The following STXBP6 variants were observed in gnomAD, a reference collection of about 807,000 sequenced individuals.
STXBP6 encodes the protein syntaxin binding protein 6.
Under a neutral mutation model 26.9 loss-of-function variants are expected in STXBP6, and 21 were observed. The ratio of observed to expected loss-of-function variants is 0.78; its 90% CI spans 0.55 to 1.12. The LOEUF is 1.12. Among genes scored for constraint, STXBP6 ranks in the 50% most tolerant of loss-of-function variants. STXBP6 has a pLI of 0.00. For synonymous variants in STXBP6, 97 were observed against 92.6 expected (o/e 1.05, Z -0.27); for missense variants, 232 against 257.9 (o/e 0.90, Z 0.69).
intron 2 of STXBP6, among the ~76,000 whole-genome samples, chr14:24,874,480 A>C (rs1219839012): frequency 1.3e-5 from 2 of 152,014 alleles, no homozygotes; most frequent in Non-Finnish European, 2.9e-5. Context: ...GGTCCATCCC[A>C]CCCATGCCGT....
At chr14:24,849,301 G>C (rs1462857281) in intron 4 of STXBP6, among the ~76,000 whole-genome samples, 1 of 152,086 alleles carries the variant, frequency 6.6e-6, no homozygotes, top group African/African-American at 2.4e-5. Flanking sequence ...GAGTGGCTAA[G>C]TCTGTGTGTG....
At position 24,857,039 on chromosome 14, in the gene STXBP6, G is replaced by A. The variant is rs530458077; in HGVS notation, c.273C>T (p.Ile91=). The change falls in exon 3 of 6, where the codon ATC becomes ATT. Residue 91 remains isoleucine, a synonymous_variant. Transcript: ENST00000323944. ...ACAATTCACTCACCCCATTAGGATC[G>A]ATACCATTAACCTGGCGAAGCTGCT... ...MLEQLRQVNG[I]DPNGDSAEFD... 16 of 1,612,776 alleles carry A rather than the reference G, an allele frequency of 9.9e-6. No homozygotes were observed. The highest frequency in any genetic ancestry group is 3.3e-5 in the South Asian group (3 of 91,038).
intron 2 of STXBP6, among the ~76,000 whole-genome samples, chr14:24,943,472 G>A (rs2072874982): frequency 6.6e-6 from 1 of 152,154 alleles, no homozygotes; most frequent in African/African-American, 2.4e-5. Context: ...CCTAACTGAT[G>A]ATTCATTCTA....
At chr14:24,838,620 G>T (rs2068694892) in intron 4 of STXBP6, among the ~76,000 whole-genome samples, 1 of 151,968 alleles carries the variant, frequency 6.6e-6, no homozygotes, top group African/African-American at 2.4e-5. Context: ...GGAGATGGAG[G>T]TTGCAGTGAG....
At position 25,024,606 on chromosome 14, in the gene STXBP6, C is replaced by T. The variant is rs144368379; in HGVS notation, c.-33+25272G>A. 1.1e-4 allele frequency among the ~76,000 whole-genome samples: 17 copies of T among 152,216 alleles called. No homozygotes were observed. The East Asian group carries it at 3.3e-3, about 29-fold the overall frequency. On this transcript the variant is annotated intron_variant, in intron 1 of 5. Transcript: ENST00000323944. ...AAGGACAATCAACAACAAATCATTT[C>T]AATAAATGCTTTTAAATTGACATGG... is the stretch of plus-strand genomic sequence containing the variant.
Position 24,819,786 on chromosome 14 carries a change from T to C in STXBP6, c.452-592A>G, listed in dbSNP as rs533961323. Among the ~76,000 whole-genome samples, 8 of 152,216 alleles carry C rather than the reference T, an allele frequency of 5.3e-5. No homozygotes were observed. The East Asian group carries it at 1.5e-3, about 29-fold the overall frequency. On this transcript the variant is annotated intron_variant, in intron 4 of 5. Coordinates refer to ENST00000323944, the MANE Select transcript of STXBP6 (RefSeq NM_001394410.1). ...TATGATCCAGTCTCAAAGCTCAGAG[T>C]AGATGTGTCTGCTCCCAACCTTGGA...
intron 2 of STXBP6, among the ~76,000 whole-genome samples, chr14:24,912,663 G>GT (rs1255438066): frequency 2.6e-5 from 4 of 152,162 alleles, no homozygotes; most frequent in African/African-American, 9.7e-5. Flanking sequence ...GTGAGTAAAT[G>GT]TGAGTACACT....
At chr14:24,957,813 T>C (rs2073391439) in intron 2 of STXBP6, among the ~76,000 whole-genome samples, 1 of 152,214 alleles carries the variant, frequency 6.6e-6, no homozygotes, top group African/African-American at 2.4e-5. Context: ...AGAAACAGGA[T>C]TCAAGTCCAT....
intron 2 of STXBP6, among the ~76,000 whole-genome samples, chr14:24,876,190 G>A (rs1480276558): frequency 2.0e-5 from 3 of 152,094 alleles, no homozygotes; most frequent in Non-Finnish European, 2.9e-5. Flanking sequence ...CCTACTAACC[G>A]GGAAGGCCTG....
intron 1 of STXBP6, among the ~76,000 whole-genome samples, chr14:24,999,745 T>C (rs781434674): frequency 4.6e-5 from 7 of 152,016 alleles, no homozygotes; most frequent in Non-Finnish European, 1.0e-4. Flanking sequence ...TTGCAATATA[T>C]AGACAGTCTC....
chr14:24,990,717 G>A (rs1159327652), intron 1 of STXBP6, among the ~76,000 whole-genome samples: 1 of 147,320 alleles, frequency 6.8e-6, no homozygotes, highest in South Asian at 2.1e-4. Flanking sequence ...AGAAAACAGA[G>A]CAATTAGTAG....
chr14:24,963,209 A>C (rs1485487376), intron 2 of STXBP6, among the ~76,000 whole-genome samples: 1 of 152,216 alleles, frequency 6.6e-6, no homozygotes, highest in Non-Finnish European at 1.5e-5. Flanking sequence ...TGACCTGTCC[A>C]CAAGATAGAA....
At chr14:24,869,908 G>C (rs894218525) in intron 2 of STXBP6, among the ~76,000 whole-genome samples, 9 of 152,168 alleles carry the variant, frequency 5.9e-5, no homozygotes, top group African/African-American at 2.2e-4. Flanking sequence ...TTCAGGGATA[G>C]AGCTCAGTGC....
intron 2 of STXBP6, among the ~76,000 whole-genome samples, chr14:24,919,655 C>T (rs550250084): frequency 6.6e-6 from 1 of 151,920 alleles, no homozygotes; most frequent in African/African-American, 2.4e-5. Flanking sequence ...TTTAATAAAT[C>T]TGTGAATGCA....
At chr14:24,865,953 A>T (rs2069702605) in intron 2 of STXBP6, among the ~76,000 whole-genome samples, 1 of 152,164 alleles carries the variant, frequency 6.6e-6, no homozygotes, top group Admixed American at 6.5e-5. Flanking sequence ...CTCTAAAATA[A>T]CTAAACGAAA....
chr14:24,906,407 C>T (rs1486257960), intron 2 of STXBP6, among the ~76,000 whole-genome samples: 2 of 152,130 alleles, frequency 1.3e-5, no homozygotes, highest in Non-Finnish European at 2.9e-5. Flanking sequence ...TCAATTCAAT[C>T]AATAGGCCAG....
chr14:24,812,894 G>A (rs2067863047), intron 5 of STXBP6, among the ~76,000 whole-genome samples, 162 bp from the exon 6 acceptor site: 1 of 152,158 alleles, frequency 6.6e-6, no homozygotes, highest in South Asian at 2.1e-4. Flanking sequence ...ACCTTTAAAT[G>A]TGCAACATTT....
intron 2 of STXBP6, chr14:24,878,863 T>C (rs911180446): frequency 2.1e-5 from 9 of 436,932 alleles, no homozygotes; most frequent in Admixed American, 7.2e-5. Context: ...GGAGCTATTA[T>C]GCCTTTCCCT....
intron 2 of STXBP6, among the ~76,000 whole-genome samples, chr14:24,958,277 A>G (rs190216632): frequency 2.5e-4 from 38 of 152,336 alleles, no homozygotes; most frequent in African/African-American, 7.9e-4. Context: ...TATCCTCAAA[A>G]GACTTTATGT....
Sources: gnomAD v4.1 joint callset for allele counts (sites outside exome capture counted in the v4.1 genomes callset) on GRCh38, gnomAD v4.1.1 for gene constraint, MANE v1.5 for transcripts, NCBI Gene and HGNC (gene_info 2026-07-23, HGNC 2026-07-21) for gene names.